MINAR1: variants seen among roughly 807,000 people sequenced by gnomAD.
MINAR1 encodes membrane integral NOTCH2 associated receptor 1, also known as major intrinsically disordered Notch2-binding receptor 1.
A neutral mutation model predicts 65.1 loss-of-function variants in MINAR1; 40 were observed. That is an observed-to-expected ratio of 0.61 (90% CI 0.48 to 0.80). The LOEUF is 0.80. Ranked by LOEUF, MINAR1 falls within the 30% of genes least tolerant of loss-of-function variation. The pLI is 0.00. For synonymous variants in MINAR1, 482 were observed against 449.1 expected (o/e 1.07, Z -0.93); for missense variants, 1,128 against 1,148.0 (o/e 0.98, Z 0.25).
intron 1 of MINAR1, 52 bp downstream of exon 1, chr15:79,432,592 G>GTA (rs1041589448): frequency 2.0e-5 from 3 of 152,040 alleles, no homozygotes; most frequent in African/African-American, 7.3e-5. Context: ...ACGAGTGTGT[G>GTA]TGTGTGTGTG....
chr15:79,467,898 C>T (rs1054980900), intron 3 of MINAR1, among the ~76,000 whole-genome samples: 1 of 152,116 alleles, frequency 6.6e-6, no homozygotes, highest in African/African-American at 2.4e-5. Flanking sequence ...GAGTCTTGCT[C>T]GTCTCAGCCC....
At chr15:79,448,800 T>G (rs7169199) in intron 1 of MINAR1, among the ~76,000 whole-genome samples, 38,193 of 152,114 alleles carry the variant, frequency 0.25, 6,514 homozygotes, top group African/African-American at 0.49. Flanking sequence ...AATGGAGTTG[T>G]TGGAAATGAA....
At chr15:79,424,049 AATTTTGGATG>A in the MINAR1 span, 3 of 152,192 alleles carry the variant, frequency 2.0e-5, no homozygotes, top group Admixed American at 2.0e-4. Flanking sequence ...GCTGGTAGAT[AATTTTGGATG>A]ATTCAAGCTG....
chr15:79,433,132 G>T (rs1894499502), intron 1 of MINAR1, among the ~76,000 whole-genome samples: 1 of 152,172 alleles, frequency 6.6e-6, no homozygotes, highest in Admixed American at 6.5e-5. Flanking sequence ...GCGTAAGCTC[G>T]CTCACACGCG....
rs1162096075 is a variant in MINAR1 at position 79,456,168 on chromosome 15, T to G, written c.21T>G (p.Thr7=). The G allele has an allele frequency of 1.9e-6, 3 of 1,613,412 alleles. No individual in the cohort carries two copies. In the African/African-American group the frequency reaches 4.0e-5, roughly 22 times the overall value. ...AAATCATGGAGACCAGTCAGGAAAC[T>G]TCCCTCTTCTTGGTGAAGATCTTGG... METSQE[T]SLFLVKILEE... The change falls in exon 2 of 4, where the codon ACT becomes ACG. Residue 7 remains threonine (T), a synonymous_variant. Transcript: ENST00000305428.
intron 3 of MINAR1, 63 bp from the exon 4 acceptor site, chr15:79,468,124 G>T: frequency 7.4e-7 from 1 of 1,358,038 alleles, no homozygotes; most frequent in East Asian, 2.4e-5. Context: ...GATGACTGTC[G>T]GGACGTCTTT....
At chr15:79,450,549 A>T (rs776803978) in intron 1 of MINAR1, among the ~76,000 whole-genome samples, 1 of 151,052 alleles carries the variant, frequency 6.6e-6, no homozygotes, top group Non-Finnish European at 1.5e-5. Flanking sequence ...AAAAAAAAAA[A>T]GCTGAATAAT....
chr15:79,420,774 A>G, the MINAR1 span: 2 of 152,252 alleles, frequency 1.3e-5, no homozygotes. Context: ...GGGTGTGGTC[A>G]CTGTTTCTTT....
At position 79,458,031 on chromosome 15, in the gene MINAR1, T is replaced by C. The variant is rs753814722; in HGVS notation, c.1884T>C (p.Asn628=). 6.2e-7 allele frequency: 1 copy of C among 1,614,074 alleles called. No individual in the cohort carries two copies. The highest frequency in any genetic ancestry group is 1.7e-5 in the Admixed American group (1 of 60,018). ...DEISQVLGKL[N]KLDQKMQQPE... is the part of the protein sequence containing the mutation. ...TCTCCCAGGTCTTGGGCAAACTAAA[T>C]AAATTGGACCAGAAAATGCAACAGC... The change falls in exon 2 of 4, where the codon AAT becomes AAC. Residue 628 remains asparagine, a synonymous_variant. Transcript: ENST00000305428.
At chr15:79,444,537 ACCTTT>A (rs1894957409) in intron 1 of MINAR1, among the ~76,000 whole-genome samples, 8 of 151,862 alleles carry the variant, frequency 5.3e-5, no homozygotes, top group Admixed American at 5.2e-4. Flanking sequence ...TTGATTTTCA[ACCTTT>A]TATTCCACTA....
Position 79,468,206 on chromosome 15 carries a change from C to A in MINAR1, c.2573C>A (p.Pro858Gln). 1.2e-6 allele frequency: 2 copies of A among 1,613,742 alleles called. No individual in the cohort carries two copies. The highest frequency in any genetic ancestry group is 1.1e-5 in the South Asian group (1 of 91,032). The part of the protein sequence containing the change: ...LDLQTQESLN[P>Q]NNLEYWMEDI... ...TTTTAGACGCAAGAATCTTTAAACC[C>A]AAATAATTTAGAGTACTGGATGGAA... The change falls in exon 4 of 4, where the codon CCA (proline) becomes CAA (glutamine). Residue 858 changes from proline to glutamine, a missense_variant. By Grantham distance (76) the Pro-to-Gln change is moderately conservative. Transcript: ENST00000305428.
At position 79,471,254 on chromosome 15, in the gene MINAR1, A is replaced by AT. The variant is rs1257506513; in HGVS notation, c.*2872dup. ...AGTCTAAAATTACAACGTTATCAAA[A>AT]TTCACTTCGTTTTTCCTGCATTTTA... is the stretch of plus-strand genomic sequence containing the variant. On this transcript the variant is annotated 3_prime_UTR_variant, in exon 4 of 4. Coordinates refer to ENST00000305428, the MANE Select transcript of MINAR1 (RefSeq NM_015206.3). 1.3e-5 allele frequency: 2 copies of AT among 152,366 alleles called. No individual in the cohort carries two copies. The highest frequency in any genetic ancestry group is 2.9e-5 in the Non-Finnish European group (2 of 68,036). 9.4% of individuals were successfully genotyped at this position (152,366 alleles called of 1,614,324 possible). A position where few individuals can be genotyped will look rare whatever the true frequency, so the allele number is the denominator to read the frequency against.
At chr15:79,431,749 G>T (rs924053430), upstream of MINAR1, among the ~76,000 whole-genome samples, 4 of 152,366 alleles carry the variant, frequency 2.6e-5, no homozygotes, top group Admixed American at 2.0e-4. Context: ...GCATAGGGGA[G>T]TGGGGAGACG....
At chr15:79,461,464 TC>T (rs1895638204) in intron 2 of MINAR1, among the ~76,000 whole-genome samples, 1 of 152,192 alleles carries the variant, frequency 6.6e-6, no homozygotes, top group South Asian at 2.1e-4. Flanking sequence ...CTCCCCTTCC[TC>T]CCAGCTTGGT....
chr15:79,427,688 G>A (rs145266714), upstream of MINAR1, among the ~76,000 whole-genome samples: 580 of 152,306 alleles, frequency 3.8e-3, 4 homozygotes, highest in African/African-American at 0.013. Flanking sequence ...CTGTTCTACT[G>A]CCTGAAAATT....
chr15:79,457,341 CA>C lies in MINAR1; in HGVS notation c.1195del (p.Ser399ValfsTer106), dbSNP rs779745959. 1.9e-6 allele frequency: 3 copies of C among 1,614,196 alleles called. No homozygotes were observed. The highest frequency in any genetic ancestry group is 1.7e-6 in the Non-Finnish European group (2 of 1,180,040). ...SEEKLHYPNASSQTPNFPAPE... is the reference protein window; with the variant it reads ...SEEKLHYPNAXSQTPNFPAPE... Reference sequence around the variant, plus strand: ...AGGAGAAGCTACACTATCCAAATGCCAGTAGCCAGACCCCCAATTTCCCAGC... The same window carrying C: ...AGGAGAAGCTACACTATCCAAATGCCGTAGCCAGACCCCCAATTTCCCAGC... On this transcript the variant is annotated frameshift_variant, in exon 2 of 4. Coordinates refer to ENST00000305428, the MANE Select transcript of MINAR1 (RefSeq NM_015206.3). LOFTEE classifies it high-confidence loss of function.
At chr15:79,461,155 A>G (rs1027749862) in intron 2 of MINAR1, among the ~76,000 whole-genome samples, 3 of 152,262 alleles carry the variant, frequency 2.0e-5, no homozygotes, top group Non-Finnish European at 4.4e-5. Flanking sequence ...TTGACTGCCC[A>G]GTGAGAACAC....
At chr15:79,420,058 CAAAGA>C in the MINAR1 span, 2 of 152,040 alleles carry the variant, frequency 1.3e-5, no homozygotes, top group African/African-American at 4.8e-5. Flanking sequence ...ACATCAAAGA[CAAAGA>C]AAATTCTTTA....
chr15:79,463,696 A>T (rs1262352485), intron 3 of MINAR1: 1 of 478,544 alleles, frequency 2.1e-6, no homozygotes, highest in African/African-American at 2.0e-5. Context: ...CATATGTAGC[A>T]CGTGGGATAA....
Sources: gnomAD v4.1 joint callset for allele counts (sites outside exome capture counted in the v4.1 genomes callset) on GRCh38, gnomAD v4.1.1 for gene constraint, MANE v1.5 for transcripts, NCBI Gene and HGNC (gene_info 2026-07-23, HGNC 2026-07-21) for gene names.